GABRA2: variants seen among roughly 807,000 people sequenced by gnomAD.
GABRA2 encodes the protein gamma-aminobutyric acid type A receptor subunit alpha2.
GABRA2 carries 16 observed loss-of-function variants against 48.7 expected under a neutral mutation model. The observed-to-expected ratio is 0.33, with a 90% CI of 0.22 to 0.50. The LOEUF (loss-of-function observed/expected upper bound fraction) is 0.50, where lower values mean the gene tolerates loss of function less well. Among genes scored for constraint, GABRA2 ranks in the 20% least tolerant of loss-of-function variants. The pLI is 0.98. For missense variants in GABRA2, 275 were observed against 535.6 expected (o/e 0.51, Z 4.80); for synonymous variants, 185 against 184.5 (o/e 1.00, Z -0.02).
chr4:46,332,891 G>A (rs930566125), intron 3 of GABRA2, among the ~76,000 whole-genome samples: 2 of 152,050 alleles, frequency 1.3e-5, no homozygotes, highest in African/African-American at 2.4e-5. Flanking sequence ...ATGCATAGAA[G>A]TATTATGACA....
chr4:46,343,561 A>G (rs1733651618), intron 3 of GABRA2, among the ~76,000 whole-genome samples: 1 of 151,992 alleles, frequency 6.6e-6, no homozygotes, highest in African/African-American at 2.4e-5. Flanking sequence ...GAGGAAATGA[A>G]AAAAAGTACA....
At chr4:46,344,495 G>A (rs1733818304) in intron 3 of GABRA2, among the ~76,000 whole-genome samples, 2 of 151,944 alleles carry the variant, frequency 1.3e-5, no homozygotes, top group Admixed American at 6.6e-5. Context: ...GAGAACTCTA[G>A]CAAAAGGGCA....
intron 6 of GABRA2, among the ~76,000 whole-genome samples, chr4:46,308,592 T>C (rs1394307737): frequency 6.6e-6 from 1 of 152,222 alleles, no homozygotes; most frequent in Admixed American, 6.5e-5. Flanking sequence ...AAATTGTTTA[T>C]TCAGAGTGTC....
At chr4:46,276,240 T>A (rs903729869) in intron 8 of GABRA2, among the ~76,000 whole-genome samples, 1 of 151,926 alleles carries the variant, frequency 6.6e-6, no homozygotes, top group African/African-American at 2.4e-5. Context: ...CTGAATGTAG[T>A]CAAAAGCAGT....
At chr4:46,263,235 A>T (rs997883679) in intron 8 of GABRA2, among the ~76,000 whole-genome samples, 26 of 152,144 alleles carry the variant, frequency 1.7e-4, no homozygotes, top group Non-Finnish European at 3.2e-4. Context: ...ACTTTAAAAA[A>T]TTGATACTCT....
rs1251010516 is a variant in GABRA2, at chr4:46,349,163, A to G, written c.188-16481T>C. 2.6e-5 allele frequency among the ~76,000 whole-genome samples: 4 copies of G among 152,138 alleles called. No individual in the cohort carries two copies. The East Asian group carries it at 7.8e-4, about 30-fold the overall frequency. On this transcript the variant is annotated intron_variant, in intron 3 of 9. Coordinates refer to ENST00000381620, the MANE Select transcript of GABRA2 (RefSeq NM_000807.4). ...CAATGGACCAGAGTGTAATGTAAACATAATTCTATATGCACTGGGAAGCGA... is the reference window on the plus strand; with the variant it reads ...CAATGGACCAGAGTGTAATGTAAACGTAATTCTATATGCACTGGGAAGCGA...
chr4:46,318,351 A>T (rs1728892654), intron 4 of GABRA2, among the ~76,000 whole-genome samples: 1 of 151,288 alleles, frequency 6.6e-6, no homozygotes, highest in African/African-American at 2.4e-5. Context: ...TAGATACATA[A>T]ACAAATATAG....
In GABRA2 at chr4:46,378,359, C is replaced by G. The variant is rs1331642305; in HGVS notation, c.187+7715G>C. On this transcript the variant is annotated intron_variant, in intron 3 of 9. Coordinates refer to ENST00000381620, the MANE Select transcript of GABRA2 (RefSeq NM_000807.4). The stretch of plus-strand genomic sequence containing the variant: ...GGATCCTGTTGATCTGTGACCTTAC[C>G]CCCAACCCTGTGCTATCTGAAACAT... Among the ~76,000 whole-genome samples the G allele has an allele frequency of 2.6e-5, 4 of 152,052 alleles. No individual in the cohort carries two copies. In the East Asian group the frequency reaches 7.8e-4, roughly 29 times the overall value.
At chr4:46,358,585 C>A (rs1712591207) in intron 3 of GABRA2, among the ~76,000 whole-genome samples, 1 of 152,098 alleles carries the variant, frequency 6.6e-6, no homozygotes, top group Non-Finnish European at 1.5e-5. Context: ...TAAGAATAAT[C>A]ATTATTTTAA....
At chr4:46,318,858 T>C (rs1338422746) in intron 4 of GABRA2, among the ~76,000 whole-genome samples, 1 of 151,670 alleles carries the variant, frequency 6.6e-6, no homozygotes, top group Non-Finnish European at 1.5e-5. Flanking sequence ...AGACTGACTG[T>C]TGGGTTACAC....
intron 3 of GABRA2, among the ~76,000 whole-genome samples, chr4:46,359,101 A>G (rs911132155): frequency 2.0e-5 from 3 of 152,210 alleles, no homozygotes; most frequent in Admixed American, 6.5e-5. Flanking sequence ...GGTCATAAAG[A>G]TAGTAAGCAG....
At chr4:46,365,280 T>C (rs1464936631) in intron 3 of GABRA2, 1 of 152,082 alleles carries the variant, frequency 6.6e-6, no homozygotes, top group Non-Finnish European at 1.5e-5. Context: ...TGACAAGAAA[T>C]ACCATGAAAT....
chr4:46,333,399 T>C (rs1731698948), intron 3 of GABRA2, among the ~76,000 whole-genome samples: 4 of 151,944 alleles, frequency 2.6e-5, no homozygotes, highest in Admixed American at 2.0e-4. Flanking sequence ...AGCCAAATAG[T>C]GATGGGGAAA....
At chr4:46,347,022 T>C (rs1175311942) in intron 3 of GABRA2, among the ~76,000 whole-genome samples, 2 of 151,804 alleles carry the variant, frequency 1.3e-5, no homozygotes, top group African/African-American at 4.8e-5. Flanking sequence ...TAAAAATACT[T>C]AGGAGTAAAT....
At chr4:46,343,067 A>G (rs1229686248) in intron 3 of GABRA2, among the ~76,000 whole-genome samples, 1 of 152,028 alleles carries the variant, frequency 6.6e-6, no homozygotes, top group Non-Finnish European at 1.5e-5. Context: ...TTGAAAGATC[A>G]CTGTCTTCCG....
intron 8 of GABRA2, among the ~76,000 whole-genome samples, chr4:46,282,800 G>T (rs140837845): frequency 6.6e-6 from 1 of 152,162 alleles, no homozygotes; most frequent in Non-Finnish European, 1.5e-5. Flanking sequence ...CTTGCATAGC[G>T]TTTACTATTT....
intron 3 of GABRA2, among the ~76,000 whole-genome samples, chr4:46,374,388 C>A (rs1715374226): frequency 6.6e-6 from 1 of 152,094 alleles, no homozygotes; most frequent in Non-Finnish European, 1.5e-5. Flanking sequence ...AGCATCTGAT[C>A]CCTTTGCCAA....
chr4:46,299,798 C>T (rs1725422003), intron 8 of GABRA2, among the ~76,000 whole-genome samples: 1 of 151,408 alleles, frequency 6.6e-6, no homozygotes, highest in Admixed American at 6.6e-5. Flanking sequence ...TGATCCCTCC[C>T]CCTTAAAGGA....
At chr4:46,283,744 C>T (rs1577898431) in intron 8 of GABRA2, among the ~76,000 whole-genome samples, 1 of 152,018 alleles carries the variant, frequency 6.6e-6, no homozygotes, top group South Asian at 2.1e-4. Context: ...TTGTTTGATT[C>T]GAGTTTCTTA....
Sources: allele counts gnomAD v4.1 joint callset (sites outside exome capture counted in the v4.1 genomes callset), GRCh38; gene constraint gnomAD v4.1.1; transcripts MANE v1.5; gene names NCBI Gene and HGNC (gene_info 2026-07-23, HGNC 2026-07-21).